Variants in KIAA1217 observed in about 807,000 individuals in gnomAD.
The protein encoded by KIAA1217 is KIAA1217.
A neutral mutation model predicts 163.9 loss-of-function variants in KIAA1217; 88 were observed. The observed-to-expected ratio is 0.54, with a 90% CI of 0.45 to 0.64. The LOEUF is 0.64. Ranked by LOEUF, KIAA1217 falls within the 30% of genes least tolerant of loss-of-function variation. The pLI, the probability that KIAA1217 is intolerant of heterozygous loss-of-function variation, is 0.00. For synonymous variants in KIAA1217, 903 were observed against 923.1 expected (o/e 0.98, Z 0.39); for missense variants, 2,372 against 2,475.0 (o/e 0.96, Z 0.88).
At chr10:24,239,929 A>G (rs2072855896) in intron 2 of KIAA1217, among the ~76,000 whole-genome samples, 1 of 152,210 alleles carries the variant, frequency 6.6e-6, no homozygotes, top group Non-Finnish European at 1.5e-5. Flanking sequence ...CCTGATAGAG[A>G]CATCCAGTTT....
At chr10:23,817,151 A>G (rs1837345701) in intron 1 of KIAA1217, among the ~76,000 whole-genome samples, 3 of 152,176 alleles carry the variant, frequency 2.0e-5, no homozygotes, top group African/African-American at 7.2e-5. Flanking sequence ...ATTTTAAATG[A>G]TTTGAAGTAA....
chr10:24,545,530 G>A lies in KIAA1217; in HGVS notation c.5335-297G>A, dbSNP rs558680440. 28 of 1,317,970 alleles carry A rather than the reference G, an allele frequency of 2.1e-5. No individual in the cohort carries two copies. The South Asian group carries it at 5.6e-4, about 26-fold the overall frequency. The allele number at this position is 1,317,970 out of a possible 1,614,324, so 81.6% of individuals were successfully genotyped here. On this transcript the variant is annotated intron_variant, in intron 20 of 20. Coordinates refer to ENST00000376454, the MANE Select transcript of KIAA1217 (RefSeq NM_019590.5). ...GTCACAATGCCCGACCCCCACCCCA[G>A]TAATTATCCAGACGCATGGCCCACC...
chr10:24,196,939 A>G (rs1245664997), intron 2 of KIAA1217, among the ~76,000 whole-genome samples: 2 of 152,152 alleles, frequency 1.3e-5, no homozygotes, highest in Admixed American at 6.5e-5. Context: ...ACACTCATTT[A>G]CCCAACAAAT....
Position 24,546,471 on chromosome 10 carries a change from T to G in KIAA1217, c.*147T>G. Reference sequence around the variant, plus strand: ...TGTGCTAAATACTGGATTAATAGATTTCAGTAAAGCTCGTTCGTTTTGTTT... The same window carrying G: ...TGTGCTAAATACTGGATTAATAGATGTCAGTAAAGCTCGTTCGTTTTGTTT... On this transcript the variant is annotated 3_prime_UTR_variant, in exon 21 of 21. Coordinates refer to ENST00000376454, the MANE Select transcript of KIAA1217 (RefSeq NM_019590.5). 2 of 886,874 alleles carry G rather than the reference T, an allele frequency of 2.3e-6. No homozygotes were observed. Among genetic ancestry groups the G allele is most frequent in the Non-Finnish European group, 3.3e-6 (2 of 599,160 alleles). The allele number at this position is 886,874 out of a possible 1,614,324, so 54.9% of individuals were successfully genotyped here.
chr10:24,302,226 A>G (rs879196505), intron 2 of KIAA1217, among the ~76,000 whole-genome samples: 2 of 152,216 alleles, frequency 1.3e-5, no homozygotes, highest in South Asian at 2.1e-4. Flanking sequence ...ATTTAACCCA[A>G]AACAAAGGGA....
intron 2 of KIAA1217, among the ~76,000 whole-genome samples, chr10:24,077,809 G>A (rs912650820): frequency 1.3e-5 from 2 of 152,172 alleles, no homozygotes; most frequent in Non-Finnish European, 2.9e-5. Context: ...CCCATCAACA[G>A]CAGGAAATGT....
At chr10:23,912,867 C>T (rs558261551) in intron 1 of KIAA1217, among the ~76,000 whole-genome samples, 2 of 152,252 alleles carry the variant, frequency 1.3e-5, no homozygotes, top group Admixed American at 6.5e-5. Flanking sequence ...TAGACACTGG[C>T]TGCAGGAGGG....
At chr10:24,367,110 G>T in intron 2 of KIAA1217, 1 of 981,996 alleles carries the variant, frequency 1.0e-6, no homozygotes, top group Non-Finnish European at 1.2e-6. Flanking sequence ...GTTTTCTCCT[G>T]GTCCACAGGC....
chr10:23,802,004 A>G (rs1836490191), intron 1 of KIAA1217, among the ~76,000 whole-genome samples: 1 of 152,200 alleles, frequency 6.6e-6, no homozygotes, highest in Non-Finnish European at 1.5e-5. Context: ...AGAGCCTCCA[A>G]CTGTAAAGAC....
intron 2 of KIAA1217, among the ~76,000 whole-genome samples, chr10:24,034,026 G>A (rs1006917411): frequency 6.6e-6 from 1 of 152,248 alleles, no homozygotes; most frequent in South Asian, 2.1e-4. Context: ...AAGCCAGGAT[G>A]AAGTAGGACA....
intron 2 of KIAA1217, among the ~76,000 whole-genome samples, chr10:24,306,329 G>C (rs2042003549): frequency 6.6e-6 from 1 of 152,178 alleles, no homozygotes. Flanking sequence ...TGCATGATCT[G>C]TTCCTAATAT....
intron 1 of KIAA1217, among the ~76,000 whole-genome samples, chr10:23,914,693 T>TCCCTC (rs1030108908): frequency 1.3e-5 from 2 of 152,068 alleles, no homozygotes; most frequent in African/African-American, 4.8e-5. Flanking sequence ...GTAGTGATCC[T>TCCCTC]CCCTCCCCTC....
In KIAA1217 at chr10:23,877,904, A is replaced by C. The variant is rs1438178687; in HGVS notation, c.-320-129321A>C. On this transcript the variant is annotated intron_variant, in intron 1 of 18. Coordinates refer to the KIAA1217 transcript ENST00000376462. ...CAGCGAAAATGTTAATTTGCACCACATCCAGGCATTGGTTTTCCACTCTTT... is the reference window on the plus strand; with the variant it reads ...CAGCGAAAATGTTAATTTGCACCACCTCCAGGCATTGGTTTTCCACTCTTT... Among the ~76,000 whole-genome samples, 3 of 151,952 alleles carry C rather than the reference A, an allele frequency of 2.0e-5. No homozygotes were observed. In the East Asian group the frequency reaches 5.8e-4, roughly 29 times the overall value.
rs568674751 is a variant in KIAA1217, at chr10:24,472,779, A to G, written c.847-449A>G. On this transcript the variant is annotated intron_variant, in intron 5 of 20. Coordinates refer to ENST00000376454, the MANE Select transcript of KIAA1217 (RefSeq NM_019590.5). ...CTTTTATGGAGATCAGAAGTCCTTA[A>G]TGGATTTTGCACATCAATATCAATG... Among the ~76,000 whole-genome samples, 3 of 152,232 alleles carry G rather than the reference A, an allele frequency of 2.0e-5. No individual in the cohort carries two copies. The South Asian group carries it at 6.2e-4, about 32-fold the overall frequency.
At chr10:24,378,667 G>A (rs369738415) in intron 2 of KIAA1217, among the ~76,000 whole-genome samples, 92 of 152,034 alleles carry the variant, frequency 6.1e-4, no homozygotes, top group African/African-American at 2.1e-3. Context: ...AGATCACAGG[G>A]TATCTGGCAC....
At chr10:24,132,892 G>T (rs892326354) in intron 2 of KIAA1217, among the ~76,000 whole-genome samples, 2 of 152,180 alleles carry the variant, frequency 1.3e-5, no homozygotes, top group African/African-American at 4.8e-5. Context: ...ACCTCCTGGA[G>T]CTGGAAGAGG....
chr10:23,760,704 G>A (rs940072059), intron 1 of KIAA1217, among the ~76,000 whole-genome samples: 2 of 152,204 alleles, frequency 1.3e-5, no homozygotes, highest in East Asian at 3.8e-4. Flanking sequence ...ACTTTGGGAG[G>A]CCCAGGTGGG....
chr10:24,016,029 G>A (rs1847465684), intron 2 of KIAA1217, among the ~76,000 whole-genome samples: 1 of 152,074 alleles, frequency 6.6e-6, no homozygotes, highest in South Asian at 2.1e-4. Context: ...TACTGGAAGA[G>A]GAAAATAAGG....
chr10:24,431,724 A>G (rs1197144847), intron 3 of KIAA1217, among the ~76,000 whole-genome samples: 2 of 152,172 alleles, frequency 1.3e-5, no homozygotes, highest in East Asian at 3.9e-4. Flanking sequence ...ACTTGCTAAT[A>G]TCCCATTGGC....
Sources: allele counts gnomAD v4.1 joint callset (sites outside exome capture counted in the v4.1 genomes callset), GRCh38; gene constraint gnomAD v4.1.1; transcripts MANE v1.5; gene names NCBI Gene and HGNC (gene_info 2026-07-23, HGNC 2026-07-21).